Variants in ADAMTS6 observed in about 807,000 individuals in gnomAD.
The protein encoded by ADAMTS6 is ADAM metallopeptidase with thrombospondin type 1 motif 6.
A neutral mutation model predicts 144.3 loss-of-function variants in ADAMTS6; 23 were observed. The ratio of observed to expected loss-of-function variants is 0.16; its 90% CI spans 0.11 to 0.23. The LOEUF is 0.23. Ranked by LOEUF, ADAMTS6 falls within the 10% of genes least tolerant of loss-of-function variation. ADAMTS6 has a pLI of 1.00. For missense variants in ADAMTS6, 999 were observed against 1,379.6 expected, an observed-to-expected ratio of 0.72 and a Z score of 4.37; for synonymous variants, 444 against 457.5, an observed-to-expected ratio of 0.97 and a Z score of 0.38.
At chr5:65,176,495 A>G (rs971449530) in intron 22 of ADAMTS6, among the ~76,000 whole-genome samples, 2 of 152,232 alleles carry the variant, frequency 1.3e-5, no homozygotes, top group Non-Finnish European at 2.9e-5. Context: ...AGCAAGTTTT[A>G]AAACGTTAAT....
chr5:65,258,166 T>C (rs1467592533), intron 14 of ADAMTS6, among the ~76,000 whole-genome samples: 1 of 151,970 alleles, frequency 6.6e-6, no homozygotes, highest in Non-Finnish European at 1.5e-5. Flanking sequence ...GTCCTAGAGT[T>C]GTAGGGAGTG....
chr5:65,304,477 G>A (rs925063593), intron 9 of ADAMTS6, among the ~76,000 whole-genome samples: 2 of 152,218 alleles, frequency 1.3e-5, no homozygotes, highest in African/African-American at 2.4e-5. Context: ...CTGTCACCAA[G>A]GCTGGAGTGC....
chr5:65,277,280 T>TA (rs1342864676), intron 11 of ADAMTS6, among the ~76,000 whole-genome samples: 1 of 152,154 alleles, frequency 6.6e-6, no homozygotes, highest in Non-Finnish European at 1.5e-5. Flanking sequence ...GTTGGTTTTA[T>TA]AAAAAAATAA....
At chr5:65,427,810 A>C (rs953753171) in intron 7 of ADAMTS6, among the ~76,000 whole-genome samples, 5 of 151,844 alleles carry the variant, frequency 3.3e-5, no homozygotes, top group Non-Finnish European at 5.9e-5. Flanking sequence ...AAAAAAAAAA[A>C]CAAAAATGCC....
At chr5:65,281,389 T>C (rs1762977741) in intron 11 of ADAMTS6, among the ~76,000 whole-genome samples, 1 of 152,152 alleles carries the variant, frequency 6.6e-6, no homozygotes, top group Non-Finnish European at 1.5e-5. Context: ...TTACTTTGAT[T>C]TTAACGGACA....
intron 9 of ADAMTS6, among the ~76,000 whole-genome samples, chr5:65,315,978 C>A (rs1744954830): frequency 6.6e-6 from 1 of 152,166 alleles, no homozygotes; most frequent in South Asian, 2.1e-4. Context: ...GTAGCGCAAG[C>A]TCAGCTCACT....
At chr5:65,212,423 CTTTTTTTTTTTT>C (rs397881866) in intron 20 of ADAMTS6, among the ~76,000 whole-genome samples, 1 of 107,860 alleles carries the variant, frequency 9.3e-6, no homozygotes, top group Non-Finnish European at 1.8e-5. Flanking sequence ...TTTTCTCTCT[CTTTTTTTTTTTT>C]TTTTTTTTTT....
intron 11 of ADAMTS6, among the ~76,000 whole-genome samples, chr5:65,278,222 T>G (rs1168460079): frequency 6.6e-6 from 1 of 152,224 alleles, no homozygotes; most frequent in African/African-American, 2.4e-5. Flanking sequence ...GTTCACTCAT[T>G]AGTCGATGGG....
intron 9 of ADAMTS6, among the ~76,000 whole-genome samples, chr5:65,316,745 A>G (rs1343949487): frequency 1.3e-5 from 2 of 152,188 alleles, no homozygotes; most frequent in East Asian, 3.8e-4. Context: ...GATAAAAATA[A>G]ACATTTCCTT....
intron 7 of ADAMTS6, among the ~76,000 whole-genome samples, chr5:65,356,662 T>C (rs1749353395): frequency 6.6e-6 from 1 of 152,000 alleles, no homozygotes; most frequent in East Asian, 1.9e-4. Context: ...AAGGATCCCC[T>C]CTGCGTATGT....
chr5:65,207,239 T>A (rs1183001409), intron 20 of ADAMTS6, among the ~76,000 whole-genome samples: 1 of 152,078 alleles, frequency 6.6e-6, no homozygotes, highest in Non-Finnish European at 1.5e-5. Context: ...TGGTACACAA[T>A]TTTGCACTTC....
At chr5:65,403,723 G>C (rs976921949) in intron 7 of ADAMTS6, among the ~76,000 whole-genome samples, 30 of 152,120 alleles carry the variant, frequency 2.0e-4, no homozygotes, top group African/African-American at 7.2e-4. Context: ...AAGTTACCAC[G>C]TAAAAAAGTT....
chr5:65,428,720 T>C (rs1756759334), intron 7 of ADAMTS6, among the ~76,000 whole-genome samples: 1 of 152,202 alleles, frequency 6.6e-6, no homozygotes, highest in Admixed American at 6.5e-5. Context: ...GCAATGATGA[T>C]GACTTTCTAG....
chr5:65,470,677 CCT>C, intron 3 of ADAMTS6, 99 bp downstream of exon 3: 1 of 971,180 alleles, frequency 1.0e-6, no homozygotes, highest in Non-Finnish European at 1.4e-6. Context: ...ACTTAAACTA[CCT>C]ATATATATAT....
At position 65,323,031 on chromosome 5, in the gene ADAMTS6, G is replaced by C. The variant is rs1338554857; in HGVS notation, c.1223+6347C>G. On this transcript the variant is annotated intron_variant, in intron 9 of 24. Transcript: ENST00000381055. ...GATTGTGACTTAACCCATTTTATAA[G>C]ACAAACTTTATTCTGATACCAAAAC... is the stretch of plus-strand genomic sequence containing the variant. Among the ~76,000 whole-genome samples, 6 of 152,130 alleles carry C rather than the reference G, an allele frequency of 3.9e-5. No homozygotes were observed. The East Asian group carries it at 9.7e-4, about 24-fold the overall frequency.
intron 7 of ADAMTS6, among the ~76,000 whole-genome samples, chr5:65,356,107 G>A (rs1019353578): frequency 3.3e-5 from 5 of 151,318 alleles, no homozygotes; most frequent in African/African-American, 1.2e-4. Context: ...CATATTGTTA[G>A]ACTACATTTA....
In ADAMTS6 at chr5:65,271,372, C is replaced by T. The variant is rs141092711; in HGVS notation, c.1620+1968G>A. Among the ~76,000 whole-genome samples the T allele has an allele frequency of 4.2e-3, 483 of 113,756 alleles. 3 individuals are homozygous for T. Among genetic ancestry groups the T allele is most frequent in the African/African-American group, 0.015 (414 of 27,150 alleles). The allele number at this position is 113,756 out of a possible 152,430, so 74.6% of individuals were successfully genotyped here. A position where few individuals can be genotyped will look rare whatever the true frequency, so the allele number is the denominator to read the frequency against. Reference sequence around the variant, plus strand: ...CCAGCCTGGTGACAGAGCTATACTCCGTCTAAAAAAAAAAAAAAAAAAAAA... The same window carrying T: ...CCAGCCTGGTGACAGAGCTATACTCTGTCTAAAAAAAAAAAAAAAAAAAAA... On this transcript the variant is annotated intron_variant, in intron 12 of 24. Transcript: ENST00000381055.
intron 15 of ADAMTS6, among the ~76,000 whole-genome samples, chr5:65,229,518 G>A (rs960319435): frequency 2.0e-5 from 3 of 152,110 alleles, no homozygotes; most frequent in African/African-American, 7.2e-5. Flanking sequence ...TTTTAAGGAA[G>A]GTGAGGGAGC....
intron 20 of ADAMTS6, chr5:65,209,970 TAACA>T (rs1429613867): frequency 5.8e-6 from 1 of 171,880 alleles, no homozygotes; most frequent in African/African-American, 2.4e-5. Context: ...ATAGCTCACA[TAACA>T]AACAGAGATA....
Sources: allele counts gnomAD v4.1 joint callset (sites outside exome capture counted in the v4.1 genomes callset), GRCh38; gene constraint gnomAD v4.1.1; transcripts MANE v1.5; gene names NCBI Gene and HGNC (gene_info 2026-07-23, HGNC 2026-07-21).